Variants in TGFBR2 observed in about 807,000 individuals in gnomAD.
The protein encoded by TGFBR2 is transforming growth factor beta receptor 2, also known as TGF-beta receptor type-2.
TGFBR2 carries 18 observed loss-of-function variants against 49.0 expected under a neutral mutation model. The observed-to-expected ratio is 0.37, with a 90% confidence interval of 0.25 to 0.54. TGFBR2 has a LOEUF of 0.54. TGFBR2 is among the 20% of genes least tolerant of loss of function. The pLI is 0.85. For missense variants in TGFBR2, 525 were observed against 722.6 expected, an observed-to-expected ratio of 0.73 and a Z score of 3.13; for synonymous variants, 282 against 275.9, an observed-to-expected ratio of 1.02 and a Z score of -0.22.
At chr3:30,684,212 G>A (rs1388943478) in intron 5 of TGFBR2, among the ~76,000 whole-genome samples, 1 of 151,838 alleles carries the variant, frequency 6.6e-6, no homozygotes, top group Non-Finnish European at 1.5e-5. Flanking sequence ...AGAGGCACAT[G>A]TATACACACT....
At chr3:30,669,418 AAG>A (rs1255249389) in intron 3 of TGFBR2, among the ~76,000 whole-genome samples, 2 of 152,106 alleles carry the variant, frequency 1.3e-5, no homozygotes, top group Non-Finnish European at 2.9e-5. Flanking sequence ...AGAGAAGAGA[AAG>A]AGAAACAATT....
At chr3:30,636,862 A>T (rs1262693196) in intron 1 of TGFBR2, among the ~76,000 whole-genome samples, 1 of 152,024 alleles carries the variant, frequency 6.6e-6, no homozygotes, top group Non-Finnish European at 1.5e-5. Flanking sequence ...CAGGAGATCG[A>T]GACCATCCTG....
At chr3:30,633,891 A>T (rs1158213289) in intron 1 of TGFBR2, among the ~76,000 whole-genome samples, 1 of 152,154 alleles carries the variant, frequency 6.6e-6, no homozygotes, top group Non-Finnish European at 1.5e-5. Flanking sequence ...TCTGTGCCCA[A>T]GTTATTTGGT....
chr3:30,677,210 G>A (rs1699455717), intron 5 of TGFBR2, among the ~76,000 whole-genome samples: 1 of 152,120 alleles, frequency 6.6e-6, no homozygotes. Flanking sequence ...TGCTGAGTGT[G>A]GAAGAATTTA....
chr3:30,652,229 G>GTTTT (rs1204611735), intron 3 of TGFBR2, among the ~76,000 whole-genome samples: 4 of 81,860 alleles, frequency 4.9e-5, no homozygotes, highest in African/African-American at 2.0e-4. Context: ...TTCTTTTCTG[G>GTTTT]TTGTTTTTTT....
chr3:30,675,412 A>C (rs17026206), intron 5 of TGFBR2, among the ~76,000 whole-genome samples: 1 of 147,864 alleles, frequency 6.8e-6, no homozygotes, highest in South Asian at 2.1e-4. Flanking sequence ...TTTTTGAGAC[A>C]GTCTCGCTCT....
intron 1 of TGFBR2, among the ~76,000 whole-genome samples, chr3:30,616,563 A>G (rs960851904): frequency 1.8e-4 from 27 of 152,216 alleles, no homozygotes; most frequent in African/African-American, 6.5e-4. Flanking sequence ...CCTTCTATAC[A>G]GTGACAAGAA....
At chr3:30,636,194 T>TGTGTGTGTGA in intron 1 of TGFBR2, among the ~76,000 whole-genome samples, 1 of 148,880 alleles carries the variant, frequency 6.7e-6, no homozygotes. Context: ...TGTGTGTGTG[T>TGTGTGTGTGA]GTGTGTATAG....
At chr3:30,663,107 G>T (rs540400712) in intron 3 of TGFBR2, among the ~76,000 whole-genome samples, 1 of 152,012 alleles carries the variant, frequency 6.6e-6, no homozygotes, top group African/African-American at 2.4e-5. Context: ...ATTTTTAAAG[G>T]TACAGAAAAT....
intron 3 of TGFBR2, among the ~76,000 whole-genome samples, chr3:30,660,264 C>T (rs67578310): frequency 0.18 from 27,445 of 152,020 alleles, 2,916 homozygotes; most frequent in East Asian, 0.37. Context: ...TTTCCAGGCC[C>T]CATCCTATTC....
At chr3:30,628,412 A>C (rs1299164931) in intron 1 of TGFBR2, among the ~76,000 whole-genome samples, 2 of 151,532 alleles carry the variant, frequency 1.3e-5, no homozygotes, top group East Asian at 1.9e-4. Context: ...CCTGTGAATA[A>C]ATTTCACCCA....
At chr3:30,664,190 C>A (rs1223087804) in intron 3 of TGFBR2, among the ~76,000 whole-genome samples, 2 of 151,330 alleles carry the variant, frequency 1.3e-5, no homozygotes, top group African/African-American at 4.9e-5. Flanking sequence ...CAATATATTG[C>A]CCAGGCTGGT....
At chr3:30,646,777 A>T (rs955301988) in intron 2 of TGFBR2, among the ~76,000 whole-genome samples, 1 of 152,110 alleles carries the variant, frequency 6.6e-6, no homozygotes, top group Non-Finnish European at 1.5e-5. Flanking sequence ...CGGTGGTGTG[A>T]GCACTTGCTT....
At chr3:30,666,790 C>T (rs993356149) in intron 3 of TGFBR2, among the ~76,000 whole-genome samples, 11 of 139,738 alleles carry the variant, frequency 7.9e-5, no homozygotes, top group Non-Finnish European at 1.4e-4. Flanking sequence ...ACAGGAAGCA[C>T]CACAGTGTCT....
At chr3:30,646,181 T>G (rs746340193) in intron 2 of TGFBR2, among the ~76,000 whole-genome samples, 1 of 152,220 alleles carries the variant, frequency 6.6e-6, no homozygotes, top group Non-Finnish European at 1.5e-5. Flanking sequence ...AAGCTAGCCT[T>G]GATGATAGAT....
At chr3:30,622,201 T>G (rs1698242888) in intron 1 of TGFBR2, among the ~76,000 whole-genome samples, 1 of 152,322 alleles carries the variant, frequency 6.6e-6, no homozygotes, top group African/African-American at 2.4e-5. Flanking sequence ...GGGAAAGTGA[T>G]TGATATGGTG....
At chr3:30,615,843 A>G (rs1698122997) in intron 1 of TGFBR2, among the ~76,000 whole-genome samples, 1 of 152,130 alleles carries the variant, frequency 6.6e-6, no homozygotes, top group African/African-American at 2.4e-5. Flanking sequence ...AGGTTCAAGC[A>G]GTCCTCTAGA....
intron 5 of TGFBR2, among the ~76,000 whole-genome samples, chr3:30,675,808 A>G (rs1368787331): frequency 6.6e-6 from 1 of 152,240 alleles, no homozygotes; most frequent in South Asian, 2.1e-4. Flanking sequence ...AACCTAAACC[A>G]TAGTATGGCT....
At chr3:30,624,973 T>C (rs191846362) in intron 1 of TGFBR2, among the ~76,000 whole-genome samples, 2 of 152,306 alleles carry the variant, frequency 1.3e-5, no homozygotes, top group Admixed American at 1.3e-4. Context: ...GGATTTATAA[T>C]TGGAGTGATT....
Sources: gnomAD v4.1 joint callset for allele counts (sites outside exome capture counted in the v4.1 genomes callset) on GRCh38, gnomAD v4.1.1 for gene constraint, MANE v1.5 for transcripts, NCBI Gene and HGNC (gene_info 2026-07-23, HGNC 2026-07-21) for gene names.